The following SCRG1 variants were observed in gnomAD, a reference collection of about 807,000 sequenced individuals.
SCRG1 encodes scrapie-responsive protein 1.
A neutral mutation model predicts 7.7 loss-of-function variants in SCRG1; 3 were observed. The observed-to-expected ratio is 0.39, with a 90% CI of 0.18 to 1.01. SCRG1 has a LOEUF of 1.01. Among genes scored for constraint, SCRG1 ranks in the 50% least tolerant of loss-of-function variants. The pLI, the probability that SCRG1 is intolerant of heterozygous loss-of-function variation, is 0.36. For synonymous variants in SCRG1, 46 were observed against 41.2 expected, an observed-to-expected ratio of 1.12 and a Z score of -0.44; for missense variants, 110 against 117.2, an observed-to-expected ratio of 0.94 and a Z score of 0.28.
the SCRG1 span, among the ~76,000 whole-genome samples, chr4:173,498,304 C>T: frequency 6.6e-6 from 1 of 152,190 alleles, no homozygotes; most frequent in Non-Finnish European, 1.5e-5. Context: ...TACATTAATG[C>T]TCCTGAACCC....
chr4:173,424,345 A>G, the SCRG1 span, among the ~76,000 whole-genome samples: 6 of 152,364 alleles, frequency 3.9e-5, no homozygotes, highest in East Asian at 9.6e-4. Context: ...CAAAACTATG[A>G]TATAAAAATT....
the SCRG1 span, among the ~76,000 whole-genome samples, chr4:173,426,838 T>C: frequency 6.6e-6 from 1 of 152,190 alleles, no homozygotes; most frequent in Non-Finnish European, 1.5e-5. Flanking sequence ...ATTAACTCTT[T>C]TGCATTCCTA....
upstream of SCRG1, among the ~76,000 whole-genome samples, chr4:173,401,980 C>A (rs17325472): frequency 0.39 from 59,224 of 152,062 alleles, 13,655 homozygotes; most frequent in East Asian, 0.53. Context: ...ATTTGTGGCT[C>A]AAATCTGAAA....
At chr4:173,487,959 G>A in the SCRG1 span, among the ~76,000 whole-genome samples, 1 of 151,936 alleles carries the variant, frequency 6.6e-6, no homozygotes, top group Non-Finnish European at 1.5e-5. Flanking sequence ...AAATTAGCTG[G>A]GTGTGGTGGC....
chr4:173,420,871 T>A, the SCRG1 span, among the ~76,000 whole-genome samples: 1 of 152,182 alleles, frequency 6.6e-6, no homozygotes, highest in Non-Finnish European at 1.5e-5. Flanking sequence ...GCTATTTGTT[T>A]AGATTAATAA....
the SCRG1 span, among the ~76,000 whole-genome samples, chr4:173,478,411 G>A: frequency 2.0e-5 from 3 of 152,102 alleles, no homozygotes; most frequent in Non-Finnish European, 4.4e-5. Flanking sequence ...ACCAGTCCTG[G>A]TCTTCATCAC....
the SCRG1 span, among the ~76,000 whole-genome samples, chr4:173,427,019 C>T: frequency 6.6e-6 from 1 of 152,082 alleles, no homozygotes; most frequent in African/African-American, 2.4e-5. Context: ...CCTTTTTTAC[C>T]ACCCTAATCT....
At chr4:173,504,014 G>GGAA in the SCRG1 span, among the ~76,000 whole-genome samples, 1 of 152,208 alleles carries the variant, frequency 6.6e-6, no homozygotes, top group South Asian at 2.1e-4. This position sits in a 1 kb window ranked among gnomAD's most constrained non-coding sequence, Gnocchi z 4.7. Flanking sequence ...TTGCATTCCA[G>GGAA]TCCTGCACAA....
chr4:173,450,505 G>A, the SCRG1 span, among the ~76,000 whole-genome samples: 1 of 152,176 alleles, frequency 6.6e-6, no homozygotes, highest in Non-Finnish European at 1.5e-5. Flanking sequence ...TTAGTTGAGA[G>A]CATGGGCAGC....
At chr4:173,461,962 G>T in the SCRG1 span, among the ~76,000 whole-genome samples, 1 of 152,020 alleles carries the variant, frequency 6.6e-6, no homozygotes, top group Non-Finnish European at 1.5e-5. Flanking sequence ...AATAGCAGAA[G>T]AAAGAATTAG....
chr4:173,476,393 G>A, the SCRG1 span, among the ~76,000 whole-genome samples: 7 of 108,076 alleles, frequency 6.5e-5, no homozygotes, highest in African/African-American at 2.1e-4. Context: ...GAATTGAAGG[G>A]TAGGCAGATG....
At chr4:173,431,775 A>G in the SCRG1 span, among the ~76,000 whole-genome samples, 2 of 152,216 alleles carry the variant, frequency 1.3e-5, no homozygotes, top group African/African-American at 2.4e-5. Context: ...AAAGTTTCTT[A>G]GCACTAGAAT....
At chr4:173,400,707 AG>A (rs1409317824), upstream of SCRG1, among the ~76,000 whole-genome samples, 1 of 152,232 alleles carries the variant, frequency 6.6e-6, no homozygotes, top group Non-Finnish European at 1.5e-5. Flanking sequence ...CCTATGAAGT[AG>A]GTACTATTAT....
At chr4:173,431,820 G>A in the SCRG1 span, among the ~76,000 whole-genome samples, 1 of 152,290 alleles carries the variant, frequency 6.6e-6, no homozygotes, top group African/African-American at 2.4e-5. Context: ...ATGAATTAGT[G>A]TCATGCCAGG....
At chr4:173,457,308 T>C in the SCRG1 span, among the ~76,000 whole-genome samples, 1 of 152,154 alleles carries the variant, frequency 6.6e-6, no homozygotes, top group Non-Finnish European at 1.5e-5. Context: ...ACACAATAAA[T>C]GGTGTTCTGT....
At chr4:173,423,371 T>C in the SCRG1 span, among the ~76,000 whole-genome samples, 1 of 152,162 alleles carries the variant, frequency 6.6e-6, no homozygotes, top group Non-Finnish European at 1.5e-5. Flanking sequence ...AAAAACTTAG[T>C]TGGACCTATA....
At chr4:173,420,917 T>C in the SCRG1 span, among the ~76,000 whole-genome samples, 1 of 152,098 alleles carries the variant, frequency 6.6e-6, no homozygotes, top group Non-Finnish European at 1.5e-5. Flanking sequence ...GTGTGTGAGG[T>C]GGGGCAGGGG....
At chr4:173,510,104 A>G in the SCRG1 span, among the ~76,000 whole-genome samples, 2 of 152,176 alleles carry the variant, frequency 1.3e-5, no homozygotes, top group African/African-American at 2.4e-5. The surrounding 1 kb of genome is among the most constrained non-coding windows in gnomAD (Gnocchi z 5.7). Context: ...TTAAACAGAA[A>G]TCCTAATGGC....
At chr4:173,401,539 T>C (rs1201998467), upstream of SCRG1, among the ~76,000 whole-genome samples, 3 of 152,234 alleles carry the variant, frequency 2.0e-5, no homozygotes, top group Admixed American at 6.5e-5. Flanking sequence ...ATTTCCCTTA[T>C]TGTGTTGCTT....
Sources: allele counts gnomAD v4.1 joint callset (sites outside exome capture counted in the v4.1 genomes callset), GRCh38; gene constraint gnomAD v4.1.1; non-coding constraint Gnocchi (gnomAD v3.1); transcripts MANE v1.5; gene names NCBI Gene and HGNC (gene_info 2026-07-23, HGNC 2026-07-21).